Variants in BCAT1 observed in about 807,000 individuals in gnomAD.
BCAT1 encodes branched chain amino acid transaminase 1.
BCAT1 carries 48 observed loss-of-function variants against 52.4 expected under a neutral mutation model. That is an observed-to-expected ratio of 0.92 (90% CI 0.73 to 1.16). BCAT1 has a LOEUF of 1.16. Ranked by LOEUF, BCAT1 falls within the 50% of genes most tolerant of loss-of-function variation. The probability of loss-of-function intolerance (pLI) is 0.00; values close to 1 mark genes in which losing one functional copy is unlikely to be tolerated. For synonymous variants in BCAT1, 167 were observed against 161.3 expected, an observed-to-expected ratio of 1.04 and a Z score of -0.27; for missense variants, 451 against 457.1, an observed-to-expected ratio of 0.99 and a Z score of 0.12.
chr12:24,820,900 C>T (rs1450540909), intron 10 of BCAT1, among the ~76,000 whole-genome samples: 1 of 152,036 alleles, frequency 6.6e-6, no homozygotes, highest in African/African-American at 2.4e-5. Context: ...CTCTACGCAA[C>T]GCCAATAAAA....
At chr12:24,843,104 T>C (rs1323369670) in intron 6 of BCAT1, among the ~76,000 whole-genome samples, 3 of 152,170 alleles carry the variant, frequency 2.0e-5, no homozygotes, top group African/African-American at 7.2e-5. Context: ...GAATAAACTC[T>C]AGTCCTCCTG....
At chr12:24,855,767 T>C (rs980898700) in intron 5 of BCAT1, among the ~76,000 whole-genome samples, 2 of 152,120 alleles carry the variant, frequency 1.3e-5, no homozygotes, top group African/African-American at 2.4e-5. Flanking sequence ...GCTGATTCCA[T>C]CTTTATTTTT....
chr12:24,904,134 C>T (rs1466766376), intron 1 of BCAT1: 1 of 152,326 alleles, frequency 6.6e-6, no homozygotes, highest in East Asian at 1.9e-4. Context: ...ACCACAGAGT[C>T]CAGGCAGGTC....
At chr12:24,886,933 C>T (rs569732014) in intron 3 of BCAT1, among the ~76,000 whole-genome samples, 1 of 149,376 alleles carries the variant, frequency 6.7e-6, no homozygotes, top group African/African-American at 2.5e-5. Context: ...CATAGTGGCA[C>T]GTGCCTGTAA....
intron 1 of BCAT1, chr12:24,903,028 T>C (rs576607882): frequency 4.3e-6 from 6 of 1,407,842 alleles, no homozygotes; most frequent in South Asian, 1.5e-5. Flanking sequence ...AGAGCGGCAG[T>C]GGCACGGAGC....
chr12:24,942,679 GAAGTTATCT>G (rs1450405889), intron 1 of BCAT1, among the ~76,000 whole-genome samples: 2 of 152,218 alleles, frequency 1.3e-5, no homozygotes, highest in Non-Finnish European at 2.9e-5. Flanking sequence ...ACAGGTAGGG[GAAGTTATCT>G]AAGTGGGAAG....
At chr12:24,858,545 G>A (rs925067662) in intron 5 of BCAT1, among the ~76,000 whole-genome samples, 1 of 152,110 alleles carries the variant, frequency 6.6e-6, no homozygotes, top group African/African-American at 2.4e-5. Flanking sequence ...TTCTAGGTAG[G>A]GCCTGGGGAC....
chr12:24,905,797 GC>G (rs1362349321), intron 1 of BCAT1, among the ~76,000 whole-genome samples: 3 of 151,984 alleles, frequency 2.0e-5, no homozygotes, highest in African/African-American at 7.2e-5. Context: ...GTATGCAGGA[GC>G]GGTGACAGAA....
At chr12:24,943,778 A>T (rs1409073301) in intron 1 of BCAT1, among the ~76,000 whole-genome samples, 3 of 151,948 alleles carry the variant, frequency 2.0e-5, no homozygotes, top group Non-Finnish European at 4.4e-5. Context: ...AGGTCAGGAG[A>T]TCAAGACCTT....
intron 7 of BCAT1, among the ~76,000 whole-genome samples, chr12:24,837,216 G>A (rs905535785): frequency 4.7e-5 from 7 of 149,936 alleles, no homozygotes; most frequent in Middle Eastern, 3.2e-3. Context: ...CCAACAAACA[G>A]TAAGAGTTAT....
rs1940733207 is a variant in BCAT1 at position 24,832,753 on chromosome 12, G to A, written c.1014C>T (p.Cys338=). 1 of 1,610,992 alleles carries A rather than the reference G, an allele frequency of 6.2e-7. No individual in the cohort carries two copies. The highest frequency in any genetic ancestry group is 1.7e-5 in the Admixed American group (1 of 59,692). The part of the protein sequence containing the change: ...MFGSGTACVV[C]PVSDILYKGE... Reference sequence around the variant, plus strand: ...CTTTGTACAGTATATCAGAAACTGGGCAAACAACACAGGCTGTACCAGAGC... The same window carrying A: ...CTTTGTACAGTATATCAGAAACTGGACAAACAACACAGGCTGTACCAGAGC... The change falls in exon 9 of 11, where the codon TGC becomes TGT. Residue 338 remains cysteine, a synonymous_variant. Coordinates refer to ENST00000261192, the MANE Select transcript of BCAT1 (RefSeq NM_005504.7).
intron 7 of BCAT1, among the ~76,000 whole-genome samples, chr12:24,841,231 T>C (rs1294397406): frequency 2.0e-5 from 3 of 152,214 alleles, no homozygotes; most frequent in African/African-American, 4.8e-5. Flanking sequence ...TGCTCTTTAA[T>C]CAGATTGAGT....
chr12:24,835,076 G>A (rs566078027), intron 8 of BCAT1, among the ~76,000 whole-genome samples: 2 of 152,218 alleles, frequency 1.3e-5, no homozygotes, highest in South Asian at 4.2e-4. Flanking sequence ...GCAACTTGTC[G>A]TCGAACCTTC....
chr12:24,861,706 C>G (rs112088842), intron 5 of BCAT1, among the ~76,000 whole-genome samples: 35 of 152,310 alleles, frequency 2.3e-4, no homozygotes, highest in African/African-American at 7.9e-4. Context: ...ACCAGAGCAA[C>G]TCCATCTTGA....
chr12:24,818,137 C>T (rs2139303639), intron 10 of BCAT1, 88 bp from the exon 11 acceptor site: 1 of 1,338,606 alleles, frequency 7.5e-7, no homozygotes, highest in South Asian at 1.2e-5. Flanking sequence ...GCCAAGGTTA[C>T]ACAAAAGGTT....
chr12:24,947,965 A>C (rs1201186160), intron 1 of BCAT1, among the ~76,000 whole-genome samples: 1 of 152,232 alleles, frequency 6.6e-6, no homozygotes, highest in African/African-American at 2.4e-5. Flanking sequence ...TTTGTTTGGC[A>C]ACAAAGGCGC....
At chr12:24,849,988 A>T (rs1434847709) in intron 5 of BCAT1, 39 bp from the exon 6 acceptor site, 3 of 1,531,532 alleles carry the variant, frequency 2.0e-6, no homozygotes, top group Non-Finnish European at 2.7e-6. Context: ...GTAACTTAAA[A>T]TGTGGACACC....
At chr12:24,855,389 T>G (rs1477207733) in intron 5 of BCAT1, among the ~76,000 whole-genome samples, 1 of 152,154 alleles carries the variant, frequency 6.6e-6, no homozygotes, top group Non-Finnish European at 1.5e-5. Context: ...CATTTTGTTT[T>G]TTTAGATGGA....
At chr12:24,902,739 C>A (rs1359088203) in intron 1 of BCAT1, 3 of 745,166 alleles carry the variant, frequency 4.0e-6, no homozygotes, top group Non-Finnish European at 6.1e-6. Flanking sequence ...GCAGCGGGAA[C>A]CTCGAAGAGG....
Sources: allele counts gnomAD v4.1 joint callset (sites outside exome capture counted in the v4.1 genomes callset), GRCh38; gene constraint gnomAD v4.1.1; transcripts MANE v1.5; gene names NCBI Gene and HGNC (gene_info 2026-07-23, HGNC 2026-07-21).